The following GMDS variants were observed in gnomAD, a reference collection of about 807,000 sequenced individuals.
GMDS encodes the protein GDP-mannose 4,6 dehydratase.
A neutral mutation model predicts 49.9 loss-of-function variants in GMDS; 20 were observed. The observed-to-expected ratio is 0.40, with a 90% CI of 0.28 to 0.58. The LOEUF (loss-of-function observed/expected upper bound fraction) is 0.58. Ranked by LOEUF, GMDS falls within the 20% of genes least tolerant of loss-of-function variation. GMDS has a pLI of 0.42. For synonymous variants in GMDS, 177 were observed against 178.6 expected (o/e 0.99, Z 0.07); for missense variants, 362 against 481.4 (o/e 0.75, Z 2.32).
At chr6:1,952,530 A>G (rs956634369) in intron 6 of GMDS, among the ~76,000 whole-genome samples, 3 of 152,084 alleles carry the variant, frequency 2.0e-5, no homozygotes, top group Admixed American at 6.5e-5. Flanking sequence ...GTTCTTCGTG[A>G]CTCAGAATGA....
At chr6:2,015,907 A>T (rs1268938494) in intron 4 of GMDS, among the ~76,000 whole-genome samples, 2 of 151,920 alleles carry the variant, frequency 1.3e-5, no homozygotes, top group African/African-American at 2.4e-5. Context: ...TAGCAACCTC[A>T]GTTTATGGTT....
chr6:2,174,860 T>C (rs1052021501), intron 1 of GMDS, among the ~76,000 whole-genome samples: 1 of 151,994 alleles, frequency 6.6e-6, no homozygotes, highest in Non-Finnish European at 1.5e-5. Flanking sequence ...TGATCCACCA[T>C]GCCTGGCCGA....
At chr6:1,782,973 G>A (rs1435947963) in intron 7 of GMDS, among the ~76,000 whole-genome samples, 1 of 152,106 alleles carries the variant, frequency 6.6e-6, no homozygotes, top group African/African-American at 2.4e-5. Flanking sequence ...GGGCAACATA[G>A]TGGGACTCCA....
chr6:1,903,725 G>C (rs573185289), intron 7 of GMDS, among the ~76,000 whole-genome samples: 1 of 152,238 alleles, frequency 6.6e-6, no homozygotes, highest in South Asian at 2.1e-4. Context: ...TTGCTGGAAA[G>C]CTTGTCCTGT....
intron 1 of GMDS, among the ~76,000 whole-genome samples, chr6:2,205,518 A>C (rs887713786): frequency 6.6e-6 from 1 of 152,228 alleles, no homozygotes; most frequent in Non-Finnish European, 1.5e-5. Context: ...AATGAGGATT[A>C]CATCACAAAT....
intron 8 of GMDS, among the ~76,000 whole-genome samples, chr6:1,738,962 G>C (rs746782504): frequency 6.6e-6 from 1 of 152,164 alleles, no homozygotes; most frequent in Non-Finnish European, 1.5e-5. Flanking sequence ...GGATGACAGT[G>C]GGTGTTTCTG....
intron 8 of GMDS, among the ~76,000 whole-genome samples, chr6:1,737,496 CACAA>C (rs890457200): frequency 6.2e-4 from 93 of 151,202 alleles, no homozygotes; most frequent in African/African-American, 2.2e-4. Context: ...TCCACACACA[CACAA>C]ACACACACAC....
intron 9 of GMDS, among the ~76,000 whole-genome samples, chr6:1,633,271 T>A (rs1383089069): frequency 6.6e-6 from 1 of 152,246 alleles, no homozygotes; most frequent in African/African-American, 2.4e-5. Context: ...CCTCTAATTT[T>A]AGATAATCAT....
intron 1 of GMDS, among the ~76,000 whole-genome samples, chr6:2,209,745 T>C (rs943015466): frequency 6.6e-6 from 1 of 152,014 alleles, no homozygotes; most frequent in Non-Finnish European, 1.5e-5. Flanking sequence ...TAAGAAAAAA[T>C]AATTTTAAAA....
intron 9 of GMDS, among the ~76,000 whole-genome samples, chr6:1,683,972 G>C (rs60102612): frequency 1.6e-5 from 1 of 63,828 alleles, no homozygotes; most frequent in South Asian, 4.4e-4. Flanking sequence ...CCATCGGTAG[G>C]CCTGGATCCG....
In GMDS at chr6:1,670,554, C is replaced by T. The variant is rs905813766; in HGVS notation, c.988-46014G>A. On this transcript the variant is annotated intron_variant, in intron 9 of 10. Transcript: ENST00000380815. ...TGTAAAAGAAATTGGCTTATCTACA[C>T]CGGGATAAGACAGAGAAGAAAACAC... Among the ~76,000 whole-genome samples the T allele has an allele frequency of 2.6e-5, 4 of 152,046 alleles. No homozygotes were observed. The South Asian group carries it at 8.3e-4, about 32-fold the overall frequency.
intron 9 of GMDS, among the ~76,000 whole-genome samples, chr6:1,685,456 C>A (rs1301349006): frequency 6.6e-6 from 1 of 151,964 alleles, no homozygotes; most frequent in Non-Finnish European, 1.5e-5. Context: ...CAGTATAGCT[C>A]TTTGTTTGCT....
chr6:1,711,223 G>T (rs1223757971), intron 9 of GMDS, among the ~76,000 whole-genome samples: 1 of 152,254 alleles, frequency 6.6e-6, no homozygotes, highest in African/African-American at 2.4e-5. Context: ...GGGCACAGCT[G>T]CCCCCACTTA....
At chr6:2,146,686 CCT>C (rs1776577370) in intron 1 of GMDS, among the ~76,000 whole-genome samples, 1 of 152,124 alleles carries the variant, frequency 6.6e-6, no homozygotes, top group Non-Finnish European at 1.5e-5. Flanking sequence ...ACAACACGCC[CCT>C]CTCAAAATGT....
chr6:1,652,719 T>TAGAGAGAG lies in GMDS; in HGVS notation c.988-28187_988-28180dup, dbSNP rs1428568929. Among the ~76,000 whole-genome samples, 2 of 11,084 alleles carry TAGAGAGAG rather than the reference T, an allele frequency of 1.8e-4. 1 individual carries two copies. Among genetic ancestry groups the TAGAGAGAG allele is most frequent in the Non-Finnish European group, 3.6e-4 (2 of 5,562 alleles). 7.3% of individuals were successfully genotyped at this position (11,084 alleles called of 152,430 possible). On this transcript the variant is annotated intron_variant, in intron 9 of 10. Coordinates refer to ENST00000380815, the MANE Select transcript of GMDS (RefSeq NM_001500.4). ...TATATTATATATATATATATATATA[T>TAGAGAGAG]AGAGAGAGAGAGAGAGAGAGAGACA...
At chr6:2,154,569 C>T (rs1777006950) in intron 1 of GMDS, among the ~76,000 whole-genome samples, 1 of 152,026 alleles carries the variant, frequency 6.6e-6, no homozygotes, top group Non-Finnish European at 1.5e-5. Flanking sequence ...TCTTTTCCAA[C>T]TCAAATTCAG....
intron 1 of GMDS, among the ~76,000 whole-genome samples, chr6:2,205,303 A>G (rs1393417188): frequency 6.6e-6 from 1 of 152,188 alleles, no homozygotes; most frequent in East Asian, 1.9e-4. Flanking sequence ...TAAGTTCACC[A>G]TTAGTTGCAT....
chr6:2,153,668 CA>C lies in GMDS; in HGVS notation c.103-28938del, dbSNP rs569345534. Among the ~76,000 whole-genome samples, 868 of 151,722 alleles carry C rather than the reference CA, an allele frequency of 5.7e-3. 2 individuals are homozygous for C. The highest frequency in any genetic ancestry group is 0.017 in the Middle Eastern group (5 of 294). Reference sequence around the variant, plus strand: ...CTATATTGTTCACCTATTGAACTGACAAAAAAAAGTTATCTAAACCCCACTG... The same window carrying C: ...CTATATTGTTCACCTATTGAACTGACAAAAAAAGTTATCTAAACCCCACTG... On this transcript the variant is annotated intron_variant, in intron 1 of 10. Transcript: ENST00000380815.
intron 4 of GMDS, among the ~76,000 whole-genome samples, chr6:2,089,060 CA>C (rs1203287516): frequency 3.3e-5 from 5 of 151,848 alleles, no homozygotes; most frequent in South Asian, 4.2e-4. Context: ...TAAAACAAAA[CA>C]AAAAAAACTA....
Sources: gnomAD v4.1 joint callset for allele counts (sites outside exome capture counted in the v4.1 genomes callset) on GRCh38, gnomAD v4.1.1 for gene constraint, MANE v1.5 for transcripts, NCBI Gene and HGNC (gene_info 2026-07-23, HGNC 2026-07-21) for gene names.